Variants in DENND1A observed in about 807,000 individuals in gnomAD.
The protein encoded by DENND1A is DENN domain containing 1A.
DENND1A carries 51 observed loss-of-function variants against 113.7 expected under a neutral mutation model. That is an observed-to-expected ratio of 0.45 (90% CI 0.36 to 0.57). The LOEUF is 0.57. DENND1A is among the 20% of genes least tolerant of loss of function. DENND1A has a pLI of 0.00. For synonymous variants in DENND1A, 565 were observed against 570.8 expected, an observed-to-expected ratio of 0.99 and a Z score of 0.14; for missense variants, 1,258 against 1,395.9, an observed-to-expected ratio of 0.90 and a Z score of 1.57.
chr9:123,824,143 A>G (rs749447597), intron 2 of DENND1A, among the ~76,000 whole-genome samples: 1 of 152,170 alleles, frequency 6.6e-6, no homozygotes, highest in Non-Finnish European at 1.5e-5. Flanking sequence ...AACATCTACA[A>G]TGTGCTAGGT....
At chr9:123,784,114 C>T (rs1472984999) in intron 3 of DENND1A, among the ~76,000 whole-genome samples, 2 of 152,084 alleles carry the variant, frequency 1.3e-5, no homozygotes, top group Non-Finnish European at 2.9e-5. Flanking sequence ...GCCAAGCAAG[C>T]TGGGAAATGA....
At chr9:123,641,536 T>C (rs1014367420) in intron 9 of DENND1A, among the ~76,000 whole-genome samples, 1 of 151,734 alleles carries the variant, frequency 6.6e-6, no homozygotes, top group Non-Finnish European at 1.5e-5. Context: ...ACTGAGAGCC[T>C]GAACAGATTA....
At chr9:123,453,943 A>G (rs868708204) in intron 16 of DENND1A, among the ~76,000 whole-genome samples, 21 of 152,204 alleles carry the variant, frequency 1.4e-4, no homozygotes, top group Admixed American at 7.9e-4. Context: ...TGATTTGCCA[A>G]GTGCTGTGTT....
chr9:123,727,597 A>G lies in DENND1A; in HGVS notation c.302+30106T>C, dbSNP rs573801331. Among the ~76,000 whole-genome samples the G allele has an allele frequency of 2.0e-5, 3 of 152,338 alleles. No individual in the cohort carries two copies. The South Asian group carries it at 6.2e-4, about 32-fold the overall frequency. The stretch of plus-strand genomic sequence containing the variant: ...GACAAACATCAAGAAACAATCTTTT[A>G]CTTGCTAAAGACCTTAAATGATAGG... On this transcript the variant is annotated intron_variant, in intron 5 of 23. Coordinates refer to ENST00000394215, the MANE Select transcript of DENND1A (RefSeq NM_001352964.2).
chr9:123,919,278 C>G (rs1381703160), intron 1 of DENND1A, among the ~76,000 whole-genome samples: 1 of 151,690 alleles, frequency 6.6e-6, no homozygotes, highest in Non-Finnish European at 1.5e-5. Flanking sequence ...TTGAAACCAG[C>G]CTGACCAACA....
intron 13 of DENND1A, among the ~76,000 whole-genome samples, chr9:123,508,649 C>T (rs968680556): frequency 1.3e-5 from 2 of 152,136 alleles, no homozygotes; most frequent in East Asian, 3.9e-4. Context: ...ATTCTCTTAA[C>T]CACAGAGTTC....
At chr9:123,533,194 C>T (rs182185196) in intron 13 of DENND1A, among the ~76,000 whole-genome samples, 2 of 152,234 alleles carry the variant, frequency 1.3e-5, no homozygotes, top group East Asian at 1.9e-4. Flanking sequence ...TTACTAGCCA[C>T]GTGGTCAGAG....
chr9:123,564,006 C>A (rs143272261), intron 12 of DENND1A, among the ~76,000 whole-genome samples: 8 of 152,272 alleles, frequency 5.3e-5, no homozygotes, highest in African/African-American at 1.4e-4. Context: ...AGGTCCCATG[C>A]TGGAGATGTG....
At position 123,557,569 on chromosome 9, in the gene DENND1A, C is replaced by T; in HGVS notation, c.993+1G>A. On this transcript the variant is annotated splice_donor_variant, in intron 13 of 23. Transcript: ENST00000394215. LOFTEE classifies it high-confidence loss of function. Reference sequence around the variant, plus strand: ...CTCTGTGACATGCCAAGGCTACTCACCGGCTCGATTTTCAGAGCGTTTCGG... The same window carrying T: ...CTCTGTGACATGCCAAGGCTACTCATCGGCTCGATTTTCAGAGCGTTTCGG... 6.2e-7 allele frequency: 1 copy of T among 1,613,640 alleles called. No homozygotes were observed. Among genetic ancestry groups the T allele is most frequent in the Non-Finnish European group, 8.5e-7 (1 of 1,179,812 alleles).
intron 2 of DENND1A, among the ~76,000 whole-genome samples, chr9:123,830,001 A>G (rs1839941762): frequency 6.6e-6 from 1 of 152,226 alleles, no homozygotes; most frequent in Non-Finnish European, 1.5e-5. Context: ...ATAATACATG[A>G]CAACCTACTT....
chr9:123,750,461 G>C (rs1324157655), intron 5 of DENND1A, among the ~76,000 whole-genome samples: 1 of 152,172 alleles, frequency 6.6e-6, no homozygotes, highest in Non-Finnish European at 1.5e-5. Context: ...GAACTCAGAA[G>C]GGCCCTGGGC....
intron 19 of DENND1A, 137 bp downstream of exon 19, chr9:123,440,223 A>G (rs1210196707): frequency 1.3e-5 from 14 of 1,109,584 alleles, no homozygotes; most frequent in Non-Finnish European, 1.6e-5. Flanking sequence ...TAAACATTTA[A>G]AGATGTGAAA....
chr9:123,905,496 A>G (rs1356123905), intron 1 of DENND1A, among the ~76,000 whole-genome samples: 1 of 143,756 alleles, frequency 7.0e-6, no homozygotes, highest in Non-Finnish European at 1.5e-5. Flanking sequence ...GGCTCAAAAT[A>G]AAAGGATGGA....
At chr9:123,681,536 C>T (rs2064459224) in intron 5 of DENND1A, among the ~76,000 whole-genome samples, 1 of 152,032 alleles carries the variant, frequency 6.6e-6, no homozygotes, top group Non-Finnish European at 1.5e-5. Flanking sequence ...TCAAGACTGA[C>T]CAAGCTGGTA....
At chr9:123,766,598 G>A (rs1000067268) in intron 4 of DENND1A, among the ~76,000 whole-genome samples, 1 of 152,128 alleles carries the variant, frequency 6.6e-6, no homozygotes, top group East Asian at 1.9e-4. Flanking sequence ...CCTGCAAGGT[G>A]GTCTACTGAA....
At chr9:123,465,005 A>C (rs2048822999) in intron 13 of DENND1A, among the ~76,000 whole-genome samples, 1 of 144,256 alleles carries the variant, frequency 6.9e-6, no homozygotes, top group African/African-American at 2.5e-5. Context: ...AAAAAAAAAA[A>C]AAAAAAAAAA....
chr9:123,783,490 A>T (rs895953627), intron 3 of DENND1A, among the ~76,000 whole-genome samples: 3 of 152,222 alleles, frequency 2.0e-5, no homozygotes, highest in African/African-American at 7.2e-5. Flanking sequence ...CAGTAATAGG[A>T]GACACGACAT....
intron 10 of DENND1A, among the ~76,000 whole-genome samples, chr9:123,614,892 T>C (rs1031466863): frequency 6.6e-6 from 1 of 152,372 alleles, no homozygotes; most frequent in Admixed American, 6.5e-5. Flanking sequence ...ATGTGAGCTT[T>C]TCTTTCTTTT....
Position 123,381,772 on chromosome 9 carries a change from C to A in DENND1A, c.2873G>T (p.Gly958Val). 1 of 1,513,300 alleles carries A rather than the reference C, an allele frequency of 6.6e-7. No individual in the cohort carries two copies. 93.7% of individuals were successfully genotyped at this position (1,513,300 alleles called of 1,614,324 possible). The part of the protein sequence containing the change: ...LSALSMPNLF[G>V]QMPMGTHTSP... The stretch of plus-strand genomic sequence containing the variant: ...CGTGTGGGTGCCCATGGGCATCTGG[C>A]CAAAGAGGTTGGGCATGGAGAGGGC... The change falls in exon 24 of 24, where the codon GGC (glycine) becomes GTC (valine). Residue 958 changes from glycine to valine, a missense_variant. By Grantham distance (109) the Gly-to-Val change is moderately radical (BLOSUM62 -3). Transcript: ENST00000394215. This position sits in a 1 kb window ranked among gnomAD's most constrained non-coding sequence, Gnocchi z 4.7.
Sources: allele counts gnomAD v4.1 joint callset (sites outside exome capture counted in the v4.1 genomes callset), GRCh38; gene constraint gnomAD v4.1.1; non-coding constraint Gnocchi (gnomAD v3.1); transcripts MANE v1.5; gene names NCBI Gene and HGNC (gene_info 2026-07-23, HGNC 2026-07-21).